The following ADAMTSL1 variants were observed in gnomAD, a reference collection of about 807,000 sequenced individuals.
ADAMTSL1 encodes ADAMTS-like protein 1.
Under a neutral mutation model 201.8 loss-of-function variants are expected in ADAMTSL1, and 126 were observed. The observed-to-expected ratio is 0.62, with a 90% CI of 0.54 to 0.72. The LOEUF (loss-of-function observed/expected upper bound fraction) is 0.72, where lower values mean the gene tolerates loss of function less well. Ranked by LOEUF, ADAMTSL1 falls within the 30% of genes least tolerant of loss-of-function variation. The probability of loss-of-function intolerance (pLI) is 0.00; values close to 1 mark genes in which losing one functional copy is unlikely to be tolerated. For missense variants in ADAMTSL1, 2,679 were observed against 2,277.8 expected (o/e 1.18, Z -3.59); for synonymous variants, 1,121 against 903.4 (o/e 1.24, Z -4.32).
intron 1 of ADAMTSL1, among the ~76,000 whole-genome samples, chr9:18,158,535 A>G (rs1051077244): frequency 9.9e-5 from 15 of 152,046 alleles, no homozygotes; most frequent in African/African-American, 3.4e-4. Flanking sequence ...CTGTCAAAGT[A>G]TTAATTCCCT....
At chr9:18,899,856 A>G (rs1183631913) in intron 26 of ADAMTSL1, among the ~76,000 whole-genome samples, 1 of 139,298 alleles carries the variant, frequency 7.2e-6, no homozygotes, top group African/African-American at 2.5e-5. Flanking sequence ...AATCGAGGCA[A>G]TACCATTCAG....
chr9:18,206,107 G>A (rs1296660816), intron 2 of ADAMTSL1, among the ~76,000 whole-genome samples: 2 of 121,878 alleles, frequency 1.6e-5, no homozygotes, highest in South Asian at 5.7e-4. Context: ...CCTAAATTTT[G>A]ACATGGAAAA....
chr9:18,052,344 C>A (rs1446359805), intron 1 of ADAMTSL1, among the ~76,000 whole-genome samples: 1 of 152,152 alleles, frequency 6.6e-6, no homozygotes, highest in Non-Finnish European at 1.5e-5. Flanking sequence ...AGGGTACTTA[C>A]TTTAGGTTGA....
chr9:18,680,359 G>C lies in ADAMTSL1; in HGVS notation c.1184G>C (p.Gly395Ala). Residue 395 changes from glycine to alanine, a missense_variant, in exon 11 of 29, where the codon GGC becomes GCC. By Grantham distance (60) the Gly-to-Ala change is moderately conservative. Coordinates refer to ENST00000380548, the MANE Select transcript of ADAMTSL1 (RefSeq NM_001040272.6). ...WTACSSSCGG[G>A]IQSRAVSCVE... Reference sequence around the variant, plus strand: ...GCGTGCTCCTCCTCGTGTGGGGGGGGCATCCAGAGCCGGGCAGTTTCCTGT... The same window carrying C: ...GCGTGCTCCTCCTCGTGTGGGGGGGCCATCCAGAGCCGGGCAGTTTCCTGT... 1 of 1,614,140 alleles carries C rather than the reference G, an allele frequency of 6.2e-7. No homozygotes were observed. Among genetic ancestry groups the C allele is most frequent in the Non-Finnish European group, 8.5e-7 (1 of 1,180,020 alleles).
chr9:18,109,087 G>C (rs1035536652), intron 1 of ADAMTSL1, among the ~76,000 whole-genome samples: 5 of 152,100 alleles, frequency 3.3e-5, no homozygotes, highest in Non-Finnish European at 7.4e-5. Flanking sequence ...CTTCTCAACT[G>C]CATACATAGA....
chr9:18,675,834 G>T, intron 9 of ADAMTSL1, 23 bp from the exon 10 acceptor site: 1 of 1,611,110 alleles, frequency 6.2e-7, no homozygotes, highest in South Asian at 1.1e-5. Context: ...TACTCAGAGG[G>T]TTGGCATTAT....
At chr9:18,620,015 A>ATTATTT (rs1564094080) in intron 4 of ADAMTSL1, among the ~76,000 whole-genome samples, 2 of 101,254 alleles carry the variant, frequency 2.0e-5, no homozygotes, top group Non-Finnish European at 3.9e-5. Context: ...CAGTTTTCTG[A>ATTATTT]TTTTTTTTTT....
chr9:18,149,025 A>G (rs184410537), intron 1 of ADAMTSL1, among the ~76,000 whole-genome samples: 227 of 152,168 alleles, frequency 1.5e-3, no homozygotes, highest in African/African-American at 5.3e-3. Context: ...AGGTTCTCCA[A>G]TAGAAAGTGT....
chr9:18,437,637 C>G (rs1465151782), intron 2 of ADAMTSL1, among the ~76,000 whole-genome samples: 13 of 151,986 alleles, frequency 8.6e-5, no homozygotes, highest in African/African-American at 3.1e-4. Flanking sequence ...ACAGAGATAA[C>G]TTTTGAGAGT....
intron 1 of ADAMTSL1, among the ~76,000 whole-genome samples, chr9:18,127,477 ACACAACACAC>A (rs1487831583): frequency 3.9e-5 from 4 of 103,182 alleles, no homozygotes; most frequent in Non-Finnish European, 7.9e-5. Flanking sequence ...ATAGGCACAT[ACACAACACAC>A]ACACACACAC....
intron 1 of ADAMTSL1, among the ~76,000 whole-genome samples, chr9:18,138,474 T>C (rs952597615): frequency 6.6e-6 from 1 of 152,146 alleles, no homozygotes; most frequent in African/African-American, 2.4e-5. Context: ...TGCTGAATTT[T>C]TGAAAATTCA....
rs186623668 is a variant in ADAMTSL1, at chr9:18,752,593, C to T, written c.2007-705C>T. Among the ~76,000 whole-genome samples the T allele has an allele frequency of 6.6e-4, 100 of 152,316 alleles. 1 individual carries two copies. The highest frequency in any genetic ancestry group is 2.6e-4 in the Admixed American group (4 of 15,304). ...TCATAGGCCCTTAGCTCACTATAAA[C>T]GTACTTCTCAAGTCTTGGCCCTTTG... On this transcript the variant is annotated intron_variant, in intron 15 of 28. Coordinates refer to ENST00000380548, the MANE Select transcript of ADAMTSL1 (RefSeq NM_001040272.6).
rs532348508 is a variant in ADAMTSL1, at chr9:17,996,632, C to T, written c.87+89710C>T. Among the ~76,000 whole-genome samples, 5 of 152,100 alleles carry T rather than the reference C, an allele frequency of 3.3e-5. No individual in the cohort carries two copies. The South Asian group carries it at 8.3e-4, about 25-fold the overall frequency. ...GTTTCCCATATTGAATCCCAAAGTGCTCTCAGCTGCTGTTAGTTGCCAACC... is the reference window on the plus strand; with the variant it reads ...GTTTCCCATATTGAATCCCAAAGTGTTCTCAGCTGCTGTTAGTTGCCAACC... On this transcript the variant is annotated intron_variant, in intron 1 of 29. Coordinates refer to the ADAMTSL1 transcript ENST00000680146.
At chr9:18,701,916 A>G (rs1006211683) in intron 13 of ADAMTSL1, among the ~76,000 whole-genome samples, 1 of 152,234 alleles carries the variant, frequency 6.6e-6, no homozygotes, top group Non-Finnish European at 1.5e-5. Context: ...CCATTTTCAC[A>G]TTGCTGAAAA....
chr9:18,647,560 G>T (rs1827900971), intron 7 of ADAMTSL1, among the ~76,000 whole-genome samples: 1 of 152,088 alleles, frequency 6.6e-6, no homozygotes. Context: ...TGCTTTGAAT[G>T]TGTCCCAGAG....
chr9:18,009,900 A>G (rs181888351), intron 1 of ADAMTSL1, among the ~76,000 whole-genome samples: 2 of 152,068 alleles, frequency 1.3e-5, no homozygotes, highest in Non-Finnish European at 2.9e-5. Context: ...CTTTAATTAC[A>G]TGATTTTCCT....
intron 1 of ADAMTSL1, among the ~76,000 whole-genome samples, chr9:18,079,125 C>T (rs1823361611): frequency 1.3e-5 from 2 of 152,162 alleles, no homozygotes; most frequent in South Asian, 4.1e-4. Context: ...CCCAGATATC[C>T]TTTCCTTTGA....
intron 1 of ADAMTSL1, among the ~76,000 whole-genome samples, chr9:18,480,750 T>A (rs1490101532): frequency 6.6e-6 from 1 of 152,198 alleles, no homozygotes; most frequent in Non-Finnish European, 1.5e-5. Context: ...CTAATGGTGG[T>A]TTGATCTTTG....
At chr9:18,543,508 T>C (rs954962557) in intron 3 of ADAMTSL1, among the ~76,000 whole-genome samples, 8 of 152,196 alleles carry the variant, frequency 5.3e-5, no homozygotes, top group African/African-American at 1.9e-4. Context: ...TAAATTAATC[T>C]CTAAATGCAA....
Sources: allele counts gnomAD v4.1 joint callset (sites outside exome capture counted in the v4.1 genomes callset), GRCh38; gene constraint gnomAD v4.1.1; transcripts MANE v1.5; gene names NCBI Gene and HGNC (gene_info 2026-07-23, HGNC 2026-07-21).